Variants in TTC39C observed in about 807,000 individuals in gnomAD.
TTC39C encodes the protein tetratricopeptide repeat domain 39C, also known as tetratricopeptide repeat protein 39C.
Under a neutral mutation model 76.3 loss-of-function variants are expected in TTC39C, and 33 were observed. The observed-to-expected ratio is 0.43, with a 90% CI of 0.33 to 0.58. The LOEUF is 0.58. Ranked by LOEUF, TTC39C falls within the 20% of genes least tolerant of loss-of-function variation. The pLI is 0.04. For synonymous variants in TTC39C, 254 were observed against 260.6 expected, an observed-to-expected ratio of 0.97 and a Z score of 0.24; for missense variants, 595 against 701.4, an observed-to-expected ratio of 0.85 and a Z score of 1.71.
At chr18:24,096,028 T>A (rs1449350587) in intron 6 of TTC39C, among the ~76,000 whole-genome samples, 4 of 152,198 alleles carry the variant, frequency 2.6e-5, no homozygotes, top group Non-Finnish European at 5.9e-5. Context: ...TTGTCTTATG[T>A]GGGCATGGTT....
At chr18:24,114,331 G>C (rs2099959) in intron 6 of TTC39C, 1 of 421,914 alleles carries the variant, frequency 2.4e-6, no homozygotes, top group Admixed American at 4.0e-5. Context: ...CGCGAGCTGA[G>C]CCCTTACCAC....
At chr18:24,123,678 A>G in intron 8 of TTC39C, 156 bp from the exon 9 acceptor site, 1 of 534,808 alleles carries the variant, frequency 1.9e-6, no homozygotes, top group Non-Finnish European at 3.2e-6. Context: ...AAGTGCTGGG[A>G]TTACTGACAT....
chr18:24,129,401 C>T (rs181022536), intron 11 of TTC39C, among the ~76,000 whole-genome samples: 16 of 152,144 alleles, frequency 1.1e-4, no homozygotes, highest in Admixed American at 9.8e-4. Context: ...GGGGGTCAAG[C>T]GAGAGAGTTG....
intron 1 of TTC39C, among the ~76,000 whole-genome samples, chr18:24,039,140 A>G (rs1355456411): frequency 1.3e-5 from 2 of 152,132 alleles, no homozygotes; most frequent in African/African-American, 2.4e-5. Flanking sequence ...GGGTACTGTC[A>G]TTTCCCCCTA....
At chr18:24,069,296 G>T (rs777168057) in intron 4 of TTC39C, 25 bp downstream of exon 4, 1 of 1,585,502 alleles carries the variant, frequency 6.3e-7, no homozygotes, top group Non-Finnish European at 8.7e-7. Context: ...TATTTTTAAT[G>T]GTTTTCAGTA....
upstream of TTC39C, chr18:24,012,889 A>G (rs2083404791): frequency 6.6e-6 from 1 of 150,898 alleles, no homozygotes; most frequent in Admixed American, 6.6e-5. Flanking sequence ...ACACACACGC[A>G]TAAATTTATT....
chr18:24,025,693 C>A (rs1040651591), intron 1 of TTC39C, among the ~76,000 whole-genome samples: 1 of 152,156 alleles, frequency 6.6e-6, no homozygotes, highest in Non-Finnish European at 1.5e-5. Flanking sequence ...CACCCCAGAA[C>A]GGCCCAACAG....
chr18:24,039,086 C>G (rs1185734931), intron 1 of TTC39C, among the ~76,000 whole-genome samples: 2 of 152,230 alleles, frequency 1.3e-5, no homozygotes, highest in Non-Finnish European at 2.9e-5. Flanking sequence ...TTGCCAGGAA[C>G]TGTGCTGGCA....
Position 24,134,563 on chromosome 18 carries a change from CCG to C in TTC39C, c.*1990_*1991del, listed in dbSNP as rs1466969696. ...GAGCTGGGATTACTGGTGTGAGCCA[CCG>C]TGCCCGGCCTGGACATCTGGTTTTA... On this transcript the variant is annotated 3_prime_UTR_variant, in exon 14 of 14. Coordinates refer to ENST00000317571, the MANE Select transcript of TTC39C (RefSeq NM_001135993.2). 4 of 152,096 alleles carry C rather than the reference CCG, an allele frequency of 2.6e-5. No homozygotes were observed. Among genetic ancestry groups the C allele is most frequent in the Non-Finnish European group, 4.4e-5 (3 of 68,034 alleles). 9.4% of individuals were successfully genotyped at this position (152,096 alleles called of 1,614,324 possible). A position where few individuals can be genotyped will look rare whatever the true frequency, so the allele number is the denominator to read the frequency against.
chr18:24,039,237 T>C (rs1056551646), intron 1 of TTC39C, among the ~76,000 whole-genome samples: 9 of 152,090 alleles, frequency 5.9e-5, no homozygotes, highest in Non-Finnish European at 1.2e-4. Flanking sequence ...ACCAGGGCCA[T>C]GGGAATTGAG....
At chr18:24,125,080 C>T (rs1377547499) in intron 9 of TTC39C, among the ~76,000 whole-genome samples, 7 of 152,090 alleles carry the variant, frequency 4.6e-5, no homozygotes, top group Non-Finnish European at 7.4e-5. Flanking sequence ...TTAGTAGAGA[C>T]GGGGTTTCTC....
Position 24,123,922 on chromosome 18 carries a change from T to C in TTC39C, c.1275T>C (p.Ile425=), listed in dbSNP as rs749015707. 8.7e-6 allele frequency: 14 copies of C among 1,612,628 alleles called. No homozygotes were observed. The highest frequency in any genetic ancestry group is 1.1e-5 in the Non-Finnish European group (13 of 1,179,440). ...TCTTCAAAAGGAAAAACAATCAGATTGAACAGTTCTCGGTGAAAAAGGTAT... is the reference window on the plus strand; with the variant it reads ...TCTTCAAAAGGAAAAACAATCAGATCGAACAGTTCTCGGTGAAAAAGGTAT... ...QKLFKRKNNQ[I]EQFSVKKAER... Residue 425 remains isoleucine (I), a synonymous_variant, in exon 9 of 14, where the codon ATT becomes ATC. Coordinates refer to ENST00000317571, the MANE Select transcript of TTC39C (RefSeq NM_001135993.2).
intron 6 of TTC39C, among the ~76,000 whole-genome samples, chr18:24,084,654 G>GT (rs1224601613): frequency 6.6e-6 from 1 of 151,504 alleles, no homozygotes; most frequent in African/African-American, 2.4e-5. Context: ...TTCTCTCACT[G>GT]TTTTTTTTCT....
intron 3 of TTC39C, among the ~76,000 whole-genome samples, chr18:24,067,879 C>T (rs760683498): frequency 6.6e-6 from 1 of 152,140 alleles, no homozygotes; most frequent in African/African-American, 2.4e-5. Flanking sequence ...TTGGCGTTTA[C>T]GTTTCCTCTG....
intron 6 of TTC39C, among the ~76,000 whole-genome samples, chr18:24,097,748 T>G (rs1332923732): frequency 6.6e-6 from 1 of 152,348 alleles, no homozygotes; most frequent in South Asian, 2.1e-4. Context: ...ATAAACTTTT[T>G]GTAAAGTGTC....
At chr18:24,090,259 A>G (rs954157049) in intron 6 of TTC39C, among the ~76,000 whole-genome samples, 3 of 152,210 alleles carry the variant, frequency 2.0e-5, no homozygotes, top group African/African-American at 7.2e-5. Context: ...TTATAGCTCC[A>G]GTGGTAGCAT....
At chr18:24,082,384 C>A (rs1362862062) in intron 5 of TTC39C, among the ~76,000 whole-genome samples, 1 of 151,860 alleles carries the variant, frequency 6.6e-6, no homozygotes. Context: ...TAAATTTATT[C>A]TTTTTTATAA....
At chr18:24,086,805 T>C (rs1314542093) in intron 6 of TTC39C, among the ~76,000 whole-genome samples, 8 of 152,210 alleles carry the variant, frequency 5.3e-5, no homozygotes, top group African/African-American at 1.9e-4. Flanking sequence ...AATGAATGTG[T>C]GAATACAGTA....
At chr18:24,007,255 G>A (rs2083361068) in intron 1 of TTC39C, among the ~76,000 whole-genome samples, 1 of 152,108 alleles carries the variant, frequency 6.6e-6, no homozygotes, top group Non-Finnish European at 1.5e-5. Context: ...AGAACATAGA[G>A]GTGCATTTTA....
Sources: gnomAD v4.1 joint callset for allele counts (sites outside exome capture counted in the v4.1 genomes callset) on GRCh38, gnomAD v4.1.1 for gene constraint, MANE v1.5 for transcripts, NCBI Gene and HGNC (gene_info 2026-07-23, HGNC 2026-07-21) for gene names.